PIK3C2G: variants seen among roughly 807,000 people sequenced by gnomAD.
The protein encoded by PIK3C2G is phosphatidylinositol 3-kinase C2 domain-containing subunit gamma.
In PIK3C2G, 168 loss-of-function variants were observed where a neutral mutation model predicts 181.1. The ratio of observed to expected loss-of-function variants is 0.93; its 90% CI spans 0.82 to 1.05. The LOEUF (loss-of-function observed/expected upper bound fraction) is 1.05. Ranked by LOEUF, PIK3C2G falls within the 50% of genes least tolerant of loss-of-function variation. PIK3C2G has a pLI of 0.00. For missense variants in PIK3C2G, 1,869 were observed against 1,732.8 expected (o/e 1.08, Z -1.40); for synonymous variants, 573 against 592.2 (o/e 0.97, Z 0.47).
chr12:18,484,392 C>A (rs1424528973), intron 18 of PIK3C2G, among the ~76,000 whole-genome samples: 1 of 152,112 alleles, frequency 6.6e-6, no homozygotes, highest in Non-Finnish European at 1.5e-5. Flanking sequence ...TTATAGGCTC[C>A]TCTCATATAT....
chr12:18,693,344 G>T, the PIK3C2G span: 15 of 1,580,950 alleles, frequency 9.5e-6, no homozygotes, highest in Non-Finnish European at 1.3e-5. Context: ...ATACTGGGGG[G>T]TTGGACAACC....
intron 29 of PIK3C2G, among the ~76,000 whole-genome samples, chr12:18,580,500 G>A (rs540058619): frequency 3.3e-5 from 5 of 152,230 alleles, no homozygotes; most frequent in East Asian, 3.9e-4. Context: ...CATTTGTGAC[G>A]ACATTGCTCT....
intron 18 of PIK3C2G, among the ~76,000 whole-genome samples, chr12:18,428,731 T>C (rs1945980828): frequency 6.6e-6 from 1 of 152,128 alleles, no homozygotes; most frequent in Non-Finnish European, 1.5e-5. Context: ...AGAGTGAATG[T>C]AGGATGAATA....
chr12:18,406,551 T>A (rs1944543313), intron 16 of PIK3C2G, among the ~76,000 whole-genome samples: 1 of 152,252 alleles, frequency 6.6e-6, no homozygotes, highest in South Asian at 2.1e-4. Context: ...CAGAAAAACA[T>A]GTTTGATGTT....
chr12:18,718,799 T>G, the PIK3C2G span, among the ~76,000 whole-genome samples: 1 of 152,230 alleles, frequency 6.6e-6, no homozygotes, highest in Non-Finnish European at 1.5e-5. Context: ...TATCTGCTTG[T>G]ACACAGATAA....
chr12:18,642,859 T>G (rs528359777), intron 32 of PIK3C2G, among the ~76,000 whole-genome samples: 34 of 151,870 alleles, frequency 2.2e-4, no homozygotes, highest in African/African-American at 7.2e-4. Flanking sequence ...TGCATATATA[T>G]ATAGAGAGAG....
chr12:18,349,743 A>G (rs1246397224), intron 11 of PIK3C2G, among the ~76,000 whole-genome samples: 3 of 152,152 alleles, frequency 2.0e-5, no homozygotes, highest in African/African-American at 7.2e-5. Context: ...CATGATGCTC[A>G]TTATCTTAAT....
At position 18,300,862 on chromosome 12, in the gene PIK3C2G, T is replaced by C. The variant is rs554515940; in HGVS notation, c.1034+6847T>C. ...TTCACTTCCAGATGTAGGCTTTCCT[T>C]AAGCATTTCTTGTAAGTCTGGTTTA... On this transcript the variant is annotated intron_variant, in intron 5 of 32. Coordinates refer to ENST00000538779, the MANE Select transcript of PIK3C2G (RefSeq NM_001288772.2). Among the ~76,000 whole-genome samples the C allele has an allele frequency of 8.5e-5, 13 of 152,258 alleles. 1 individual carries two copies. In the South Asian group the frequency reaches 2.7e-3, roughly 32 times the overall value.
intron 18 of PIK3C2G, among the ~76,000 whole-genome samples, chr12:18,441,285 G>A (rs986021812): frequency 6.6e-6 from 1 of 152,126 alleles, no homozygotes; most frequent in South Asian, 2.1e-4. Flanking sequence ...ATATATTGAA[G>A]AGTGAAAAGG....
intron 29 of PIK3C2G, among the ~76,000 whole-genome samples, chr12:18,574,889 A>G (rs549388488): frequency 3.9e-5 from 6 of 152,302 alleles, no homozygotes; most frequent in African/African-American, 9.6e-5. Flanking sequence ...GTTACATGCT[A>G]TATAATAGAT....
intron 22 of PIK3C2G, among the ~76,000 whole-genome samples, chr12:18,501,539 A>G (rs1258632326): frequency 6.6e-6 from 1 of 152,214 alleles, no homozygotes; most frequent in East Asian, 1.9e-4. Flanking sequence ...TTGTTGCATT[A>G]AAATTTGAGA....
In PIK3C2G at chr12:18,538,290, T is replaced by G. The variant is rs1288138407; in HGVS notation, c.3458T>G (p.Leu1153Arg). ...AATATTATCAGAAAGCACAGCCAAC[T>G]GCTCTTGAACCTGCTGGAAATGGTA... ...AYNIIRKHSQ[L>R]LLNLLEMMLY... Residue 1153 changes from leucine (L) to arginine (R), a missense_variant, in exon 25 of 33, where the codon CTG (leucine) becomes CGG (arginine). Transcript: ENST00000538779. 1 of 1,609,588 alleles carries G rather than the reference T, an allele frequency of 6.2e-7. No homozygotes were observed. The highest frequency in any genetic ancestry group is 8.5e-7 in the Non-Finnish European group (1 of 1,178,302).
At chr12:18,668,896 A>G in the PIK3C2G span, among the ~76,000 whole-genome samples, 12 of 152,122 alleles carry the variant, frequency 7.9e-5, no homozygotes, top group Non-Finnish European at 1.8e-4. Flanking sequence ...TGGACTTTCA[A>G]TTGTAAATGT....
chr12:18,457,853 C>G (rs1296809337), intron 18 of PIK3C2G, among the ~76,000 whole-genome samples: 1 of 152,000 alleles, frequency 6.6e-6, no homozygotes, highest in African/African-American at 2.4e-5. Context: ...TTATAATAAC[C>G]AAAACCTAAT....
chr12:18,503,377 G>A lies in PIK3C2G; in HGVS notation c.3113G>A (p.Trp1038Ter). The stretch of plus-strand genomic sequence containing the variant: ...TTGAAAGAAAATACAATTAAAAAGT[G>A]GTTCAGTCAGCACAACCACTTAAAG... ...GPLKENTIKKWFSQHNHLKAD... is the reference protein window; with the variant it reads ...GPLKENTIKK Residue 1038 changes from tryptophan (W) to a stop codon, truncating the protein, a stop_gained, in exon 23 of 33, where the codon TGG becomes TAG. Coordinates refer to ENST00000538779, the MANE Select transcript of PIK3C2G (RefSeq NM_001288772.2). LOFTEE classifies it high-confidence loss of function. 1.9e-6 allele frequency: 3 copies of A among 1,611,310 alleles called. No individual in the cohort carries two copies. The highest frequency in any genetic ancestry group is 2.5e-6 in the Non-Finnish European group (3 of 1,178,350).
the PIK3C2G span, chr12:18,696,150 C>G: frequency 9.8e-6 from 14 of 1,429,050 alleles, no homozygotes; most frequent in Admixed American, 1.2e-4. Context: ...TATAACATAC[C>G]CATTTGACAA....
At chr12:18,677,449 C>T in the PIK3C2G span, among the ~76,000 whole-genome samples, 1 of 152,054 alleles carries the variant, frequency 6.6e-6, no homozygotes, top group East Asian at 1.9e-4. Flanking sequence ...ACATAGAGGG[C>T]TGGTTAGAAG....
At chr12:18,493,471 A>G (rs1300756699) in intron 20 of PIK3C2G, 1 of 152,424 alleles carries the variant, frequency 6.6e-6, no homozygotes, top group Non-Finnish European at 1.5e-5. Context: ...GCCTCATTAT[A>G]CACCAGAGAA....
intron 14 of PIK3C2G, among the ~76,000 whole-genome samples, chr12:18,382,157 G>C (rs1430180232): frequency 6.6e-6 from 1 of 151,896 alleles, no homozygotes. Flanking sequence ...TACTCATTAT[G>C]GGCATTCATT....
Sources: allele counts gnomAD v4.1 joint callset (sites outside exome capture counted in the v4.1 genomes callset), GRCh38; gene constraint gnomAD v4.1.1; transcripts MANE v1.5; gene names NCBI Gene and HGNC (gene_info 2026-07-23, HGNC 2026-07-21).